The following NEK7 variants were observed in gnomAD, a reference collection of about 807,000 sequenced individuals.
NEK7 encodes the protein serine/threonine-protein kinase Nek7.
NEK7 carries 18 observed loss-of-function variants against 44.6 expected under a neutral mutation model. The ratio of observed to expected loss-of-function variants is 0.40; its 90% CI spans 0.28 to 0.60. The LOEUF (loss-of-function observed/expected upper bound fraction) is 0.60. NEK7 is among the 20% of genes least tolerant of loss of function. NEK7 has a pLI of 0.38. For missense variants in NEK7, 256 were observed against 366.5 expected, an observed-to-expected ratio of 0.70 and a Z score of 2.46; for synonymous variants, 130 against 121.1, an observed-to-expected ratio of 1.07 and a Z score of -0.48.
Position 198,215,750 on chromosome 1 carries a change from G to C in NEK7, c.-28-16803G>C, listed in dbSNP as rs551057073. Among the ~76,000 whole-genome samples the C allele has an allele frequency of 5.3e-5, 8 of 152,074 alleles. No homozygotes were observed. In the East Asian group the frequency reaches 1.5e-3, roughly 29 times the overall value. ...GCAAATGGAAACTAAAAGCGAGCAG[G>C]AATAGTTATTCTTATATCAGATAAA... is the stretch of plus-strand genomic sequence containing the variant. On this transcript the variant is annotated intron_variant, in intron 1 of 9. Coordinates refer to ENST00000367385, the MANE Select transcript of NEK7 (RefSeq NM_133494.3).
chr1:198,159,709 G>T lies in NEK7; in HGVS notation c.-29+2433G>T, dbSNP rs116180579. Among the ~76,000 whole-genome samples, 1,330 of 152,096 alleles carry T rather than the reference G, an allele frequency of 8.7e-3. 16 individuals are homozygous for T. The highest frequency in any genetic ancestry group is 0.03 in the African/African-American group (1,243 of 41,444). On this transcript the variant is annotated intron_variant, in intron 1 of 9. Transcript: ENST00000367385. Reference sequence around the variant, plus strand: ...TGCTTTCCCCCTTTCATATTTTCCTGTCTGGACAATTTCGAGTTCATTTCC... The same window carrying T: ...TGCTTTCCCCCTTTCATATTTTCCTTTCTGGACAATTTCGAGTTCATTTCC...
At chr1:198,319,037 T>C (rs1349375393) in intron 9 of NEK7, among the ~76,000 whole-genome samples, 1 of 152,180 alleles carries the variant, frequency 6.6e-6, no homozygotes, top group Non-Finnish European at 1.5e-5. Context: ...TCTGTTGTAG[T>C]AGATTCTAGA....
chr1:198,257,321 TTAAAG>T (rs1446278706), intron 3 of NEK7, among the ~76,000 whole-genome samples: 1 of 152,200 alleles, frequency 6.6e-6, no homozygotes, highest in Non-Finnish European at 1.5e-5. Context: ...GTTAGTTGCT[TTAAAG>T]TATTTTTCAA....
intron 1 of NEK7, among the ~76,000 whole-genome samples, chr1:198,179,907 C>T (rs1371006033): frequency 6.6e-6 from 1 of 152,008 alleles, no homozygotes; most frequent in Non-Finnish European, 1.5e-5. Context: ...AGTCAGGAAA[C>T]CTGAGTTTCT....
intron 1 of NEK7, among the ~76,000 whole-genome samples, chr1:198,190,273 A>G (rs1665033999): frequency 6.6e-6 from 1 of 152,194 alleles, no homozygotes; most frequent in East Asian, 1.9e-4. Flanking sequence ...AGTTGCAACA[A>G]ACAACAGACT....
intron 9 of NEK7, among the ~76,000 whole-genome samples, chr1:198,313,662 T>C (rs1655260410): frequency 7.3e-6 from 1 of 136,970 alleles, no homozygotes; most frequent in African/African-American, 2.9e-5. Context: ...CAGCATTTGC[T>C]TGTCTGTAAA....
At chr1:198,260,574 T>C (rs533874404) in intron 3 of NEK7, among the ~76,000 whole-genome samples, 9 of 152,178 alleles carry the variant, frequency 5.9e-5, no homozygotes, top group South Asian at 2.1e-4. Flanking sequence ...CTTTAATATA[T>C]GTACCGGCAT....
intron 1 of NEK7, among the ~76,000 whole-genome samples, chr1:198,203,005 A>G (rs188541347): frequency 6.6e-6 from 1 of 152,310 alleles, no homozygotes; most frequent in African/African-American, 2.4e-5. Flanking sequence ...TAGAATTGAC[A>G]TATTTGAATT....
intron 1 of NEK7, among the ~76,000 whole-genome samples, chr1:198,182,032 A>G (rs916773606): frequency 1.5e-4 from 23 of 152,102 alleles, no homozygotes; most frequent in Non-Finnish European, 1.2e-4. Flanking sequence ...ATGTTCAAAT[A>G]TGCGTAGATA....
chr1:198,247,906 C>T (rs1330722898), intron 2 of NEK7, among the ~76,000 whole-genome samples: 2 of 152,144 alleles, frequency 1.3e-5, no homozygotes, highest in Admixed American at 6.5e-5. Flanking sequence ...ATGGGATCAT[C>T]AGCCTTATCA....
At chr1:198,185,069 A>G (rs922919736) in intron 1 of NEK7, among the ~76,000 whole-genome samples, 4 of 152,062 alleles carry the variant, frequency 2.6e-5, no homozygotes, top group Admixed American at 2.6e-4. Context: ...CAGTAAAAAC[A>G]GTGTCTTACT....
intron 6 of NEK7, 127 bp downstream of exon 6, chr1:198,278,196 C>A: frequency 1.7e-6 from 1 of 583,724 alleles, no homozygotes; most frequent in African/African-American, 2.0e-5. Context: ...TATAATTATG[C>A]TAGAATGTTA....
intron 2 of NEK7, among the ~76,000 whole-genome samples, chr1:198,236,692 C>T (rs1258342983): frequency 6.6e-6 from 1 of 152,108 alleles, no homozygotes; most frequent in Admixed American, 6.6e-5. Flanking sequence ...CTTCATCTGC[C>T]TTTTCTGTTG....
rs546858967 is a variant in NEK7 at position 198,232,405 on chromosome 1, G to A, written c.-28-148G>A. 180 of 463,116 alleles carry A rather than the reference G, an allele frequency of 3.9e-4. 1 individual carries two copies. The highest frequency in any genetic ancestry group is 1.0e-3 in the Middle Eastern group (2 of 1,950). The allele number at this position is 463,116 out of a possible 1,614,324, so 28.7% of individuals were successfully genotyped here. ...GGGAGCTAACTAGAGCTTGGATTTA[G>A]CAAATGGCAAAAGAGTGTGGTATAT... On this transcript the variant is annotated intron_variant, in intron 1 of 9. Coordinates refer to ENST00000367385, the MANE Select transcript of NEK7 (RefSeq NM_133494.3).
At chr1:198,271,496 A>C (rs1653842300) in intron 5 of NEK7, among the ~76,000 whole-genome samples, 1 of 152,068 alleles carries the variant, frequency 6.6e-6, no homozygotes, top group South Asian at 2.1e-4. Context: ...GGCTGTTTTT[A>C]CATTTGCAGA....
intron 5 of NEK7, among the ~76,000 whole-genome samples, chr1:198,268,793 G>A (rs1486771520): frequency 1.3e-5 from 2 of 152,090 alleles, no homozygotes; most frequent in Admixed American, 1.3e-4. Flanking sequence ...GCAGTGCCTA[G>A]CACAGAGCTT....
chr1:198,313,298 CT>C (rs1457845368), intron 9 of NEK7, among the ~76,000 whole-genome samples: 1 of 151,866 alleles, frequency 6.6e-6, no homozygotes, highest in Admixed American at 6.6e-5. Flanking sequence ...CTTGGTAGAT[CT>C]TCCTCCATCC....
intron 1 of NEK7, among the ~76,000 whole-genome samples, chr1:198,215,058 G>A (rs1241758345): frequency 6.6e-6 from 1 of 152,104 alleles, no homozygotes; most frequent in African/African-American, 2.4e-5. Context: ...TGACAGCCAA[G>A]AATTTTGTAT....
intron 8 of NEK7, 30 bp downstream of exon 8, chr1:198,293,069 G>A: frequency 1.7e-6 from 2 of 1,148,140 alleles, no homozygotes; most frequent in Non-Finnish European, 2.6e-6. Flanking sequence ...TCCAAATATT[G>A]ATGCAGTTTT....
Sources: allele counts gnomAD v4.1 joint callset (sites outside exome capture counted in the v4.1 genomes callset), GRCh38; gene constraint gnomAD v4.1.1; transcripts MANE v1.5; gene names NCBI Gene and HGNC (gene_info 2026-07-23, HGNC 2026-07-21).